Variants in MNAT1 observed in about 807,000 individuals in gnomAD.
MNAT1 encodes the protein CDK-activating kinase assembly factor MAT1.
MNAT1 carries 43 observed loss-of-function variants against 42.0 expected under a neutral mutation model. That is an observed-to-expected ratio of 1.02 (90% CI 0.80 to 1.32). The LOEUF is 1.32. Among genes scored for constraint, MNAT1 ranks in the 40% most tolerant of loss-of-function variants. The pLI is 0.00. For missense variants in MNAT1, 306 were observed against 350.4 expected (o/e 0.87, Z 1.01); for synonymous variants, 118 against 120.0 (o/e 0.98, Z 0.11).
At chr14:60,799,188 T>C (rs2032120610) in intron 3 of MNAT1, 1 of 927,522 alleles carries the variant, frequency 1.1e-6, no homozygotes, top group South Asian at 5.0e-5. Flanking sequence ...TTCTCTGGGA[T>C]CTTTCAGTGC....
At chr14:60,957,653 G>C (rs1206041209) in intron 7 of MNAT1, among the ~76,000 whole-genome samples, 1 of 152,050 alleles carries the variant, frequency 6.6e-6, no homozygotes, top group Non-Finnish European at 1.5e-5. Flanking sequence ...TGTTTTCTGT[G>C]TCAGTGTATG....
intron 7 of MNAT1, among the ~76,000 whole-genome samples, chr14:60,937,565 C>T (rs2036027995): frequency 1.3e-5 from 2 of 152,080 alleles, no homozygotes; most frequent in Admixed American, 1.3e-4. Flanking sequence ...TTTCTGAGGG[C>T]TCTGTTCTGT....
At chr14:60,922,993 A>G (rs113448328) in intron 7 of MNAT1, among the ~76,000 whole-genome samples, 2 of 152,346 alleles carry the variant, frequency 1.3e-5, no homozygotes, top group African/African-American at 4.8e-5. Context: ...TTGTAGGTGA[A>G]GAGTCCTAGG....
intron 1 of MNAT1, among the ~76,000 whole-genome samples, chr14:60,763,686 T>C (rs1236100861): frequency 6.6e-6 from 1 of 152,186 alleles, no homozygotes; most frequent in Non-Finnish European, 1.5e-5. Flanking sequence ...TGAGTAATAA[T>C]TGAGCACAAT....
intron 1 of MNAT1, among the ~76,000 whole-genome samples, chr14:60,781,154 T>C (rs963306296): frequency 1.3e-5 from 2 of 152,196 alleles, no homozygotes; most frequent in African/African-American, 4.8e-5. Flanking sequence ...AACTTGAACC[T>C]GTGAAGGGAT....
In MNAT1 at chr14:60,887,331, T is replaced by C. The variant is rs112636681; in HGVS notation, c.809+7496T>C. ...GCATACATGTGCCATGCTGGTGTGC[T>C]GTACCCATTAACTCGTCATTGAGCA... On this transcript the variant is annotated intron_variant, in intron 7 of 7. Transcript: ENST00000261245. 4.7e-4 allele frequency among the ~76,000 whole-genome samples: 71 copies of C among 151,678 alleles called. 1 individual carries two copies. The highest frequency in any genetic ancestry group is 1.6e-3 in the African/African-American group (67 of 41,416).
chr14:60,816,473 T>C (rs2032719578), intron 5 of MNAT1, among the ~76,000 whole-genome samples: 1 of 152,220 alleles, frequency 6.6e-6, no homozygotes, highest in South Asian at 2.1e-4. Context: ...ATTAGAAATA[T>C]TGTTTGCCAG....
intron 5 of MNAT1, among the ~76,000 whole-genome samples, chr14:60,816,899 G>C (rs1021048282): frequency 1.3e-5 from 2 of 151,856 alleles, no homozygotes; most frequent in African/African-American, 4.8e-5. Context: ...GTTTTTATTA[G>C]ATTTCAGCTG....
At chr14:60,770,944 A>G (rs552318922) in intron 1 of MNAT1, among the ~76,000 whole-genome samples, 1 of 152,270 alleles carries the variant, frequency 6.6e-6, no homozygotes, top group East Asian at 1.9e-4. Flanking sequence ...TCTGCTGTTA[A>G]TGGACATAGG....
At chr14:60,848,531 T>C (rs2033736131) in intron 6 of MNAT1, among the ~76,000 whole-genome samples, 1 of 152,182 alleles carries the variant, frequency 6.6e-6, no homozygotes, top group South Asian at 2.1e-4. Flanking sequence ...TATTGCCATG[T>C]AATTCAATAA....
intron 1 of MNAT1, chr14:60,780,388 T>C: frequency 6.4e-7 from 1 of 1,565,518 alleles, no homozygotes; most frequent in Non-Finnish European, 8.8e-7. Context: ...AGATCACAGC[T>C]ACAGTGACAT....
At chr14:60,756,749 A>G (rs939642065) in intron 1 of MNAT1, among the ~76,000 whole-genome samples, 3 of 152,288 alleles carry the variant, frequency 2.0e-5, no homozygotes, top group Middle Eastern at 3.4e-3. Flanking sequence ...TGGGGATTTA[A>G]TTATTAATAC....
At chr14:60,841,785 T>C (rs1481131658) in intron 6 of MNAT1, among the ~76,000 whole-genome samples, 3 of 152,270 alleles carry the variant, frequency 2.0e-5, no homozygotes, top group Admixed American at 6.5e-5. Context: ...TAAGCATTGT[T>C]AGCATGTACA....
At chr14:60,943,106 G>A (rs1028413034) in intron 7 of MNAT1, among the ~76,000 whole-genome samples, 1 of 135,650 alleles carries the variant, frequency 7.4e-6, no homozygotes, top group Admixed American at 8.1e-5. Context: ...CCAGGCTGTA[G>A]TGCAGTGCCG....
At chr14:60,933,316 T>C (rs1173788026) in intron 7 of MNAT1, among the ~76,000 whole-genome samples, 1 of 152,162 alleles carries the variant, frequency 6.6e-6, no homozygotes, top group Non-Finnish European at 1.5e-5. Context: ...TGTATTGCCG[T>C]TCTTCCGTAT....
chr14:60,857,220 A>G (rs8018438), intron 6 of MNAT1, among the ~76,000 whole-genome samples: 144,194 of 152,334 alleles, frequency 0.95, 68,523 homozygotes, highest in Non-Finnish European at 0.99. Flanking sequence ...GAGGAGATGA[A>G]GGTTGTTTTC....
At chr14:60,941,271 A>T (rs780334900) in intron 7 of MNAT1, among the ~76,000 whole-genome samples, 7 of 152,218 alleles carry the variant, frequency 4.6e-5, no homozygotes, top group Admixed American at 6.5e-5. Flanking sequence ...TGATTCAGGA[A>T]ATTGTATTAA....
At chr14:60,932,958 G>T (rs1031388445) in intron 7 of MNAT1, among the ~76,000 whole-genome samples, 1 of 152,040 alleles carries the variant, frequency 6.6e-6, no homozygotes, top group African/African-American at 2.4e-5. Flanking sequence ...CAGTGTAGGA[G>T]TTGAGAGAAT....
Position 60,796,380 on chromosome 14 carries a change from CT to C in MNAT1, c.242+12del. 1 of 1,603,684 alleles carries C rather than the reference CT, an allele frequency of 6.2e-7. No homozygotes were observed. ...AAAAGTGCTAAAGATGTAAGTATTC[CT>C]GCTCGAATGATTCAGTCAACAAAGA... On this transcript the variant is annotated intron_variant, in intron 2 of 7. Coordinates refer to ENST00000261245, the MANE Select transcript of MNAT1 (RefSeq NM_002431.4).
Sources: allele counts gnomAD v4.1 joint callset (sites outside exome capture counted in the v4.1 genomes callset), GRCh38; gene constraint gnomAD v4.1.1; transcripts MANE v1.5; gene names NCBI Gene and HGNC (gene_info 2026-07-23, HGNC 2026-07-21).